The following IL1RAPL2 variants were observed in gnomAD, a reference collection of about 807,000 sequenced individuals.
IL1RAPL2 encodes interleukin 1 receptor accessory protein like 2, also known as X-linked interleukin-1 receptor accessory protein-like 2.
A neutral mutation model predicts 44.1 loss-of-function variants in IL1RAPL2; 3 were observed. The ratio of observed to expected loss-of-function variants is 0.07; its 90% CI spans 0.03 to 0.18. The LOEUF (loss-of-function observed/expected upper bound fraction) is 0.18. Ranked by LOEUF, IL1RAPL2 falls within the 10% of genes least tolerant of loss-of-function variation. The pLI is 1.00. For missense variants in IL1RAPL2, 391 were observed against 496.4 expected, an observed-to-expected ratio of 0.79 and a Z score of 2.02; for synonymous variants, 181 against 178.8, an observed-to-expected ratio of 1.01 and a Z score of -0.10.
At chrX:104,956,812 T>C (rs2029911436) in intron 2 of IL1RAPL2, among the ~76,000 whole-genome samples, 1 of 111,142 alleles carries the variant, frequency 9.0e-6, no homozygotes, top group African/African-American at 3.3e-5. Flanking sequence ...GCAGTTCTGG[T>C]TTTCTCTGCT....
intron 5 of IL1RAPL2, among the ~76,000 whole-genome samples, chrX:105,430,886 T>A (rs2035842700): frequency 9.0e-6 from 1 of 111,684 alleles, no homozygotes; most frequent in African/African-American, 3.3e-5. Flanking sequence ...CTATTTGGGT[T>A]AATATTTACT....
intron 2 of IL1RAPL2, among the ~76,000 whole-genome samples, chrX:105,173,310 G>A (rs1165618539): frequency 8.9e-6 from 1 of 112,135 alleles, no homozygotes; most frequent in Non-Finnish European, 1.9e-5. Flanking sequence ...AACAACTGCG[G>A]GTTTGCCCGT....
chrX:105,682,689 C>CT (rs1370847742), intron 6 of IL1RAPL2, among the ~76,000 whole-genome samples: 1 of 112,090 alleles, frequency 8.9e-6, no homozygotes, highest in South Asian at 3.6e-4. Context: ...GGCTCAGCAT[C>CT]TTTTCTGATT....
chrX:104,735,232 A>G (rs1239464145), intron 2 of IL1RAPL2, among the ~76,000 whole-genome samples: 1 of 111,849 alleles, frequency 8.9e-6, no homozygotes, highest in Non-Finnish European at 1.9e-5. Context: ...ATTCCAGAAA[A>G]TAAGAAAATG....
intron 2 of IL1RAPL2, among the ~76,000 whole-genome samples, chrX:104,964,313 TTTATTTTA>T (rs2030073481): frequency 9.9e-6 from 1 of 101,215 alleles, no homozygotes; most frequent in East Asian, 3.1e-4. Context: ...TATTTATTTA[TTTATTTTA>T]TTTATTTTGA....
intron 7 of IL1RAPL2, among the ~76,000 whole-genome samples, chrX:105,734,946 G>A (rs1417121002): frequency 1.8e-5 from 2 of 111,267 alleles, no homozygotes; most frequent in Non-Finnish European, 3.8e-5. Context: ...AGTGTTTGTG[G>A]TGGTACTGGC....
intron 2 of IL1RAPL2, among the ~76,000 whole-genome samples, chrX:104,690,450 A>G (rs1602682463): frequency 1.8e-5 from 2 of 112,431 alleles, no homozygotes; most frequent in Middle Eastern, 4.6e-3. Flanking sequence ...GACAATGCAT[A>G]TGACAGCCAA....
At chrX:105,387,587 G>A (rs1307361536) in intron 5 of IL1RAPL2, among the ~76,000 whole-genome samples, 1 of 111,173 alleles carries the variant, frequency 9.0e-6, no homozygotes, top group Non-Finnish European at 1.9e-5. Flanking sequence ...TGAGTAGACA[G>A]TTCTGTTGAA....
intron 6 of IL1RAPL2, among the ~76,000 whole-genome samples, chrX:105,683,548 CAA>C (rs35790786): frequency 5.0e-5 from 3 of 60,387 alleles, no homozygotes; most frequent in African/African-American, 1.3e-4. Context: ...ATAGAACCTA[CAA>C]AAAAAAAAGC....
At chrX:105,233,017 C>T (rs781802719) in intron 3 of IL1RAPL2, among the ~76,000 whole-genome samples, 2 of 112,109 alleles carry the variant, frequency 1.8e-5, no homozygotes, top group African/African-American at 3.2e-5. Flanking sequence ...GGCCAGGCGC[C>T]GTGGCTCATG....
intron 5 of IL1RAPL2, among the ~76,000 whole-genome samples, chrX:105,331,575 A>G (rs1569424708): frequency 9.0e-6 from 1 of 111,334 alleles, no homozygotes; most frequent in Admixed American, 9.6e-5. Context: ...CTAAACTCAA[A>G]GGAAAAAAAA....
chrX:105,457,031 T>TACACACAC (rs1309092206), intron 5 of IL1RAPL2, among the ~76,000 whole-genome samples: 1 of 71,033 alleles, frequency 1.4e-5, no homozygotes, highest in African/African-American at 6.5e-5. Flanking sequence ...TATCTAAAGT[T>TACACACAC]ATACACACAC....
intron 2 of IL1RAPL2, among the ~76,000 whole-genome samples, chrX:104,845,763 A>C (rs1922032204): frequency 1.8e-5 from 2 of 111,911 alleles, no homozygotes; most frequent in Admixed American, 1.9e-4. Context: ...TGATTATGAC[A>C]ATTTTCACAT....
intron 1 of IL1RAPL2, among the ~76,000 whole-genome samples, chrX:104,582,620 CTT>C (rs1382178288): frequency 4.4e-4 from 25 of 56,665 alleles, no homozygotes; most frequent in African/African-American, 2.2e-3. Flanking sequence ...TTCTTTCTTT[CTT>C]TCTTTCTTTC....
Position 104,585,253 on chromosome X carries a change from TAA to T in IL1RAPL2, c.-20+18203_-20+18204del, listed in dbSNP as rs1339625601. On this transcript the variant is annotated intron_variant, in intron 1 of 10. Coordinates refer to ENST00000372582, the MANE Select transcript of IL1RAPL2 (RefSeq NM_017416.2). The stretch of plus-strand genomic sequence containing the variant: ...GTGTATATATATAATATATGATATA[TAA>T]TATATATATAATATATTATATATAT... Among the ~76,000 whole-genome samples the T allele has an allele frequency of 4.2e-3, 120 of 28,257 alleles. 7 individuals are homozygous for T. Among genetic ancestry groups the T allele is most frequent in the East Asian group, 0.02 (15 of 748 alleles). 24.5% of individuals were successfully genotyped at this position (28,257 alleles called of 115,157 possible). A position where few individuals can be genotyped will look rare whatever the true frequency, so the allele number is the denominator to read the frequency against.
chrX:105,033,096 T>C (rs2031543632), intron 2 of IL1RAPL2, among the ~76,000 whole-genome samples: 1 of 111,622 alleles, frequency 9.0e-6, no homozygotes, highest in Non-Finnish European at 1.9e-5. Flanking sequence ...CTCTATCCCT[T>C]TATTTTGTGG....
At chrX:105,075,662 C>T (rs1370441029) in intron 2 of IL1RAPL2, among the ~76,000 whole-genome samples, 1 of 111,870 alleles carries the variant, frequency 8.9e-6, no homozygotes, top group Non-Finnish European at 1.9e-5. Flanking sequence ...GCTGTGAATC[C>T]ATCTGGTCCT....
At chrX:105,208,400 C>T (rs1191275262) in intron 3 of IL1RAPL2, among the ~76,000 whole-genome samples, 2 of 111,709 alleles carry the variant, frequency 1.8e-5, no homozygotes, top group Admixed American at 9.5e-5. Context: ...GTGCTGCTGA[C>T]TAAAGCGTTG....
At chrX:105,437,188 C>T (rs894160146) in intron 5 of IL1RAPL2, among the ~76,000 whole-genome samples, 4 of 109,453 alleles carry the variant, frequency 3.7e-5, no homozygotes. Flanking sequence ...TTATTTTTAC[C>T]TACATTTACA....
Sources: gnomAD v4.1 joint callset for allele counts (sites outside exome capture counted in the v4.1 genomes callset) on GRCh38, gnomAD v4.1.1 for gene constraint, MANE v1.5 for transcripts, NCBI Gene and HGNC (gene_info 2026-07-23, HGNC 2026-07-21) for gene names.